CRHR1: variants seen among roughly 807,000 people sequenced by gnomAD.
The protein encoded by CRHR1 is corticotropin-releasing hormone receptor 1.
A neutral mutation model predicts 56.0 loss-of-function variants in CRHR1; 28 were observed. The ratio of observed to expected loss-of-function variants is 0.50; its 90% CI spans 0.37 to 0.69. The LOEUF (loss-of-function observed/expected upper bound fraction) is 0.69, where lower values mean the gene tolerates loss of function less well. Among genes scored for constraint, CRHR1 ranks in the 30% least tolerant of loss-of-function variants. The pLI is 0.00. For synonymous variants in CRHR1, 195 were observed against 216.5 expected, an observed-to-expected ratio of 0.90 and a Z score of 0.87; for missense variants, 376 against 548.0, an observed-to-expected ratio of 0.69 and a Z score of 3.13.
intron 1 of CRHR1, among the ~76,000 whole-genome samples, chr17:45,806,156 G>A (rs578177875): frequency 9.2e-5 from 14 of 152,318 alleles, no homozygotes; most frequent in Admixed American, 7.8e-4. Flanking sequence ...TAACCCTGTC[G>A]GGAGGGGGGT....
rs1172976607 is a variant in CRHR1, at chr17:45,833,917, G to T, written c.1065+68G>T. The T allele has an allele frequency of 2.5e-6, 4 of 1,612,536 alleles. No homozygotes were observed. The Admixed American group carries it at 6.7e-5, about 27-fold the overall frequency. On this transcript the variant is annotated intron_variant, in intron 11 of 12. Transcript: ENST00000314537. ...ATTCTGCCAAGCAGAGGCCTGGAGGGCAGGAGGCCAGGGAGAAGCAAGGGG... is the reference window on the plus strand; with the variant it reads ...ATTCTGCCAAGCAGAGGCCTGGAGGTCAGGAGGCCAGGGAGAAGCAAGGGG...
chr17:45,822,489 T>C (rs905510295), intron 4 of CRHR1, among the ~76,000 whole-genome samples: 6 of 152,150 alleles, frequency 3.9e-5, no homozygotes, highest in African/African-American at 9.7e-5. Context: ...GGGATTCTGA[T>C]TGTGGAAGAG....
At chr17:45,791,383 G>T (rs1246118317) in intron 1 of CRHR1, among the ~76,000 whole-genome samples, 7 of 152,216 alleles carry the variant, frequency 4.6e-5, no homozygotes, top group Non-Finnish European at 7.3e-5. Flanking sequence ...GGGCCTGGCA[G>T]GGTGCCCAAG....
At chr17:45,815,312 AG>A (rs1024490600) in intron 2 of CRHR1, among the ~76,000 whole-genome samples, 1 of 152,144 alleles carries the variant, frequency 6.6e-6, no homozygotes, top group Admixed American at 6.5e-5. Flanking sequence ...GGGCAGCCTC[AG>A]GGGGGTGCCA....
chr17:45,824,110 T>C (rs2062105171), intron 4 of CRHR1, among the ~76,000 whole-genome samples: 1 of 152,070 alleles, frequency 6.6e-6, no homozygotes, highest in South Asian at 2.1e-4. Flanking sequence ...GGGTTCCAGG[T>C]TAGGAGACTT....
In CRHR1 at chr17:45,810,285, AAAT is replaced by A. The variant is rs538777115; in HGVS notation, c.121+3208_121+3210del. On this transcript the variant is annotated intron_variant, in intron 2 of 12. Transcript: ENST00000314537. ...GGGCGACAGAGCGAGACTCTGTCTC[AAAT>A]AATAATAATAATAATAATAGCTAAT... 2.2e-4 allele frequency among the ~76,000 whole-genome samples: 33 copies of A among 151,720 alleles called. No homozygotes were observed. The East Asian group carries it at 2.3e-3, about 11-fold the overall frequency.
intron 8 of CRHR1, 23 bp from the exon 9 acceptor site, chr17:45,833,115 C>T (rs762497778): frequency 6.2e-7 from 1 of 1,604,472 alleles, no homozygotes; most frequent in Non-Finnish European, 8.5e-7. Flanking sequence ...ACCCTTCCTC[C>T]CCTTTCCTCT....
At chr17:45,828,355 TGCTGTTTTCCTACAAAATAAA>T (rs1310863328) in intron 4 of CRHR1, among the ~76,000 whole-genome samples, 1 of 152,258 alleles carries the variant, frequency 6.6e-6, no homozygotes, top group African/African-American at 2.4e-5. Flanking sequence ...ATAACCTCTG[TGCTGTTTTCCTACAAAATAAA>T]GCCCAGATGC....
At chr17:45,793,172 G>A (rs1005719782) in intron 1 of CRHR1, among the ~76,000 whole-genome samples, 2 of 152,382 alleles carry the variant, frequency 1.3e-5, no homozygotes, top group Admixed American at 6.5e-5. Context: ...AGGGCTACGC[G>A]GCAGCGCGGC....
chr17:45,799,429 A>T (rs1282384417), intron 1 of CRHR1: 1 of 152,250 alleles, frequency 6.6e-6, no homozygotes. Context: ...CCAGCTTTTT[A>T]CAGAAATCTT....
intron 8 of CRHR1, among the ~76,000 whole-genome samples, chr17:45,832,113 T>TC (rs1191770223): frequency 6.6e-6 from 1 of 151,826 alleles, no homozygotes; most frequent in Non-Finnish European, 1.5e-5. Flanking sequence ...GCACCTGTAG[T>TC]CCAGCTACTC....
At chr17:45,791,706 G>A (rs189322480) in intron 1 of CRHR1, among the ~76,000 whole-genome samples, 14 of 152,036 alleles carry the variant, frequency 9.2e-5, no homozygotes, top group Admixed American at 4.6e-4. Context: ...ATGAGCTCCC[G>A]CCATGATCCC....
intron 3 of CRHR1, among the ~76,000 whole-genome samples, chr17:45,820,943 A>C (rs931614189): frequency 1.3e-5 from 2 of 152,228 alleles, no homozygotes; most frequent in Admixed American, 1.3e-4. Flanking sequence ...AGCCTCGTGA[A>C]AATTGACTCA....
chr17:45,830,720 G>C lies in CRHR1; in HGVS notation c.709+150G>C, dbSNP rs887363503. 1.3e-5 allele frequency: 16 copies of C among 1,209,976 alleles called. No homozygotes were observed. In the African/African-American group the frequency reaches 2.0e-4, roughly 15 times the overall value. 75.0% of individuals were successfully genotyped at this position (1,209,976 alleles called of 1,614,324 possible). The stretch of plus-strand genomic sequence containing the variant: ...GCACGATAGCCCTCTGCTCCTCTTG[G>C]GGGTGGGCGGCAGTAGAAGCACCTT... On this transcript the variant is annotated intron_variant, in intron 7 of 12. Transcript: ENST00000314537.
intron 5 of CRHR1, 42 bp downstream of exon 5, chr17:45,829,363 TAGAGC>T: frequency 6.4e-7 from 1 of 1,551,596 alleles, no homozygotes; most frequent in Non-Finnish European, 8.9e-7. Context: ...CCCCAGGACC[TAGAGC>T]AGAAGCAGGG....
intron 2 of CRHR1, among the ~76,000 whole-genome samples, chr17:45,815,415 C>G (rs1198332304): frequency 6.6e-6 from 1 of 152,228 alleles, no homozygotes; most frequent in Non-Finnish European, 1.5e-5. Flanking sequence ...CATCCTCTCT[C>G]TCTCGCGTGC....
At chr17:45,802,007 G>GTT (rs534988754) in intron 1 of CRHR1, among the ~76,000 whole-genome samples, 10 of 146,484 alleles carry the variant, frequency 6.8e-5, no homozygotes, top group East Asian at 3.9e-4. Context: ...AATTCTCCGT[G>GTT]TTTTTTTTTT....
rs372499251 is a variant in CRHR1, at chr17:45,817,962, G to A, written c.241+1380G>A. ...CAGAGAGGCTAATAACCTATCGGAG[G>A]TCGCAGAGCCTGGAGGCAGGGTCAC... On this transcript the variant is annotated intron_variant, in intron 3 of 12. Transcript: ENST00000314537. Among the ~76,000 whole-genome samples, 20 of 152,320 alleles carry A rather than the reference G, an allele frequency of 1.3e-4. No individual in the cohort carries two copies. In the East Asian group the frequency reaches 2.1e-3, roughly 16 times the overall value.
intron 4 of CRHR1, 74 bp from the exon 5 acceptor site, chr17:45,829,141 C>T: frequency 1.7e-6 from 2 of 1,182,026 alleles, no homozygotes; most frequent in Non-Finnish European, 2.5e-6. Context: ...ATCCCAGCCA[C>T]CCCTAGGCGA....
Sources: gnomAD v4.1 joint callset for allele counts (sites outside exome capture counted in the v4.1 genomes callset) on GRCh38, gnomAD v4.1.1 for gene constraint, MANE v1.5 for transcripts, NCBI Gene and HGNC (gene_info 2026-07-23, HGNC 2026-07-21) for gene names.